Variants in LPAR3 observed in about 807,000 individuals in gnomAD.
LPAR3 encodes LPA receptor 3.
In LPAR3, 7 loss-of-function variants were observed where a neutral mutation model predicts 17.8. The ratio of observed to expected loss-of-function variants is 0.39; its 90% CI spans 0.22 to 0.74. The LOEUF (loss-of-function observed/expected upper bound fraction) is 0.74. Among genes scored for constraint, LPAR3 ranks in the 30% least tolerant of loss-of-function variants. The pLI, the probability that LPAR3 is intolerant of heterozygous loss-of-function variation, is 0.40. For synonymous variants in LPAR3, 179 were observed against 179.9 expected (o/e 0.99, Z 0.04); for missense variants, 391 against 453.4 (o/e 0.86, Z 1.25).
At chr1:84,830,848 C>T (rs1027348064) in intron 2 of LPAR3, among the ~76,000 whole-genome samples, 1 of 152,100 alleles carries the variant, frequency 6.6e-6, no homozygotes, top group Non-Finnish European at 1.5e-5. Flanking sequence ...TCACCTTTAC[C>T]TTACCCCCGG....
In LPAR3 at chr1:84,813,158, T is replaced by TATATATAGAGAGAG. The variant is rs1206774677; in HGVS notation, c.*687_*688insCTCTCTCTATATAT. On this transcript the variant is annotated 3_prime_UTR_variant, in exon 3 of 3. Coordinates refer to ENST00000370611, the MANE Select transcript of LPAR3 (RefSeq NM_012152.3). ...ATATATATATATATATATATATATA[T>TATATATAGAGAGAG]AGACACACACACACACACACACACA... The TATATATAGAGAGAG allele has an allele frequency of 3.9e-5, 4 of 101,696 alleles. No individual in the cohort carries two copies. Among genetic ancestry groups the TATATATAGAGAGAG allele is most frequent in the East Asian group, 5.4e-4 (2 of 3,676 alleles). 6.3% of individuals were successfully genotyped at this position (101,696 alleles called of 1,614,324 possible). A position where few individuals can be genotyped will look rare whatever the true frequency, so the allele number is the denominator to read the frequency against.
intron 1 of LPAR3, among the ~76,000 whole-genome samples, chr1:84,892,576 G>A (rs560143133): frequency 3.3e-5 from 5 of 152,346 alleles, no homozygotes; most frequent in African/African-American, 1.2e-4. Flanking sequence ...AGTACCAGAT[G>A]TAACTGGAGG....
chr1:84,844,706 G>A (rs935695627), intron 2 of LPAR3, among the ~76,000 whole-genome samples: 5 of 152,092 alleles, frequency 3.3e-5, no homozygotes, highest in African/African-American at 7.2e-5. Flanking sequence ...AAAAATATTC[G>A]TATGTTGTCA....
At chr1:84,848,806 C>T (rs1390387485) in intron 2 of LPAR3, among the ~76,000 whole-genome samples, 3 of 152,074 alleles carry the variant, frequency 2.0e-5, no homozygotes, top group Non-Finnish European at 4.4e-5. Flanking sequence ...CACTGTGAGA[C>T]AGCATTCGTT....
intron 2 of LPAR3, among the ~76,000 whole-genome samples, chr1:84,847,622 GTGTC>G (rs948825697): frequency 2.0e-5 from 3 of 152,198 alleles, no homozygotes; most frequent in Non-Finnish European, 4.4e-5. Context: ...TGGGACCTGG[GTGTC>G]TGTTTTATAT....
chr1:84,885,929 T>C (rs908703511), intron 1 of LPAR3, among the ~76,000 whole-genome samples: 8 of 152,220 alleles, frequency 5.3e-5, no homozygotes, highest in African/African-American at 1.9e-4. Flanking sequence ...ATTGAAATTG[T>C]AGGTATAAGT....
At chr1:84,843,028 G>C (rs570831713) in intron 2 of LPAR3, among the ~76,000 whole-genome samples, 11 of 152,322 alleles carry the variant, frequency 7.2e-5, no homozygotes, top group African/African-American at 2.4e-4. Flanking sequence ...AGGTCTGAGA[G>C]GGGGAGGACC....
chr1:84,833,410 C>G (rs1659331442), intron 2 of LPAR3, among the ~76,000 whole-genome samples: 1 of 152,170 alleles, frequency 6.6e-6, no homozygotes, highest in South Asian at 2.1e-4. Context: ...GTTTCCTCAT[C>G]TGTAAAACAG....
chr1:84,841,991 C>T (rs1387220418), intron 2 of LPAR3, among the ~76,000 whole-genome samples: 1 of 151,252 alleles, frequency 6.6e-6, no homozygotes, highest in Non-Finnish European at 1.5e-5. Flanking sequence ...GCAGAAGAAG[C>T]AGGACAGAAA....
chr1:84,837,310 C>A (rs567359201), intron 2 of LPAR3, among the ~76,000 whole-genome samples: 1 of 152,166 alleles, frequency 6.6e-6, no homozygotes, highest in Admixed American at 6.5e-5. Flanking sequence ...CGTAAGCCAC[C>A]GCTCCTGGCT....
intron 2 of LPAR3, among the ~76,000 whole-genome samples, chr1:84,831,831 C>CATATATAT (rs60387583): frequency 4.8e-5 from 7 of 146,748 alleles, no homozygotes; most frequent in South Asian, 2.1e-4. Flanking sequence ...TAAACTGTAT[C>CATATATAT]ATATATATAT....
chr1:84,812,820 G>T lies in LPAR3; in HGVS notation c.*1026C>A, dbSNP rs1436592766. ...TTCTCTACCTGCTCCTTAAACGTTG[G>T]TGTTCTCTTGGCTTCTTTTGCTCTT... On this transcript the variant is annotated 3_prime_UTR_variant, in exon 3 of 3. Coordinates refer to ENST00000370611, the MANE Select transcript of LPAR3 (RefSeq NM_012152.3). 1 of 151,896 alleles carries T rather than the reference G, an allele frequency of 6.6e-6. No individual in the cohort carries two copies. Among genetic ancestry groups the T allele is most frequent in the Non-Finnish European group, 1.5e-5 (1 of 68,018 alleles). 9.4% of individuals were successfully genotyped at this position (151,896 alleles called of 1,614,324 possible).
chr1:84,843,541 A>G (rs749075396), intron 2 of LPAR3, among the ~76,000 whole-genome samples: 3 of 152,256 alleles, frequency 2.0e-5, no homozygotes, highest in Non-Finnish European at 4.4e-5. Flanking sequence ...CTGCACTGGT[A>G]TAAGTTTCAA....
intron 2 of LPAR3, among the ~76,000 whole-genome samples, chr1:84,844,614 A>T (rs1224387814): frequency 1.3e-5 from 2 of 152,200 alleles, no homozygotes; most frequent in Non-Finnish European, 2.9e-5. Context: ...ATAGCTCATA[A>T]AATATCATCA....
intron 2 of LPAR3, among the ~76,000 whole-genome samples, chr1:84,861,165 T>C (rs1490546042): frequency 6.6e-6 from 1 of 152,256 alleles, no homozygotes; most frequent in Non-Finnish European, 1.5e-5. Flanking sequence ...AAGCTATTCA[T>C]CTCCACATAA....
At chr1:84,831,029 A>G (rs1195149223) in intron 2 of LPAR3, among the ~76,000 whole-genome samples, 1 of 152,174 alleles carries the variant, frequency 6.6e-6, no homozygotes, top group Non-Finnish European at 1.5e-5. Context: ...TCACCTATAT[A>G]TAGTTGATTA....
intron 1 of LPAR3, among the ~76,000 whole-genome samples, chr1:84,889,123 C>T (rs1660510562): frequency 6.6e-6 from 1 of 151,818 alleles, no homozygotes; most frequent in South Asian, 2.1e-4. Context: ...AAGAGGAGGA[C>T]ATAAGACTGG....
chr1:84,891,862 C>G (rs979420190), intron 1 of LPAR3, among the ~76,000 whole-genome samples: 7 of 152,088 alleles, frequency 4.6e-5, no homozygotes, highest in African/African-American at 7.2e-5. Context: ...GGAAGAAAAG[C>G]GTTGTAATGA....
chr1:84,858,728 A>G (rs1002471955), intron 2 of LPAR3, among the ~76,000 whole-genome samples: 2 of 152,184 alleles, frequency 1.3e-5, no homozygotes, highest in African/African-American at 2.4e-5. Context: ...AGCTGAGAGT[A>G]CTAGCTGTTA....
Sources: gnomAD v4.1 joint callset for allele counts (sites outside exome capture counted in the v4.1 genomes callset) on GRCh38, gnomAD v4.1.1 for gene constraint, MANE v1.5 for transcripts, NCBI Gene and HGNC (gene_info 2026-07-23, HGNC 2026-07-21) for gene names.